The following ECPAS variants were observed in gnomAD, a reference collection of about 807,000 sequenced individuals.
The protein encoded by ECPAS is Ecm29 proteasome adaptor and scaffold, also known as proteasome adapter and scaffold protein ECM29.
ECPAS carries 70 observed loss-of-function variants against 255.1 expected under a neutral mutation model. The ratio of observed to expected loss-of-function variants is 0.27; its 90% CI spans 0.23 to 0.33. The LOEUF (loss-of-function observed/expected upper bound fraction) is 0.33. ECPAS is among the 10% of genes least tolerant of loss of function. ECPAS has a pLI of 1.00. For synonymous variants in ECPAS, 784 were observed against 775.0 expected (o/e 1.01, Z -0.19); for missense variants, 1,817 against 2,206.4 (o/e 0.82, Z 3.54).
chr9:111,433,172 TCAAGTAAGTTTTTAGAAATGTAGTC>T (rs1239069741), intron 8 of ECPAS, 36 bp downstream of exon 8: 11 of 1,560,712 alleles, frequency 7.0e-6, no homozygotes, highest in Non-Finnish European at 9.6e-6. Flanking sequence ...AAAAAATGTG[TCAAGTAAGTTTTTAGAAATGTAGTC>T]CTTTCAATCT....
chr9:111,440,406 C>T lies in ECPAS; in HGVS notation c.505G>A (p.Asp169Asn). ...ATCAGAAGGACATCTAGCATGAAGT[C>T]CAAAAGCAGCTGCACAGTCTTTGGT... ...EKPKTVQLLL[D>N]FMLDVLLMPY... The change falls in exon 6 of 50, where the codon GAC (aspartate) becomes AAC (asparagine). Residue 169 changes from aspartate (D) to asparagine (N), a missense_variant. Coordinates refer to ENST00000684092, the MANE Select transcript of ECPAS (RefSeq NM_001364929.1). The T allele has an allele frequency of 1.2e-6, 2 of 1,613,046 alleles. No homozygotes were observed. The highest frequency in any genetic ancestry group is 1.7e-6 in the Non-Finnish European group (2 of 1,179,324).
rs1428979395 is a variant in ECPAS at position 111,408,677 on chromosome 9, A to G, written c.2551-5T>C. 1 of 1,538,232 alleles carries G rather than the reference A, an allele frequency of 6.5e-7. No individual in the cohort carries two copies. The highest frequency in any genetic ancestry group is 2.2e-5 in the Admixed American group (1 of 46,144). On this transcript the variant is annotated splice_polypyrimidine_tract_variant and splice_region_variant and intron_variant, in intron 23 of 49. Transcript: ENST00000684092. ...TTGGATTGCTCGTTCTTTCATCTGGAAGAACACCAAATTTTTTTCTTTTAA... is the reference window on the plus strand; with the variant it reads ...TTGGATTGCTCGTTCTTTCATCTGGGAGAACACCAAATTTTTTTCTTTTAA...
intron 19 of ECPAS, among the ~76,000 whole-genome samples, 157 bp downstream of exon 19, chr9:111,414,272 G>A (rs1465008394): frequency 2.6e-5 from 4 of 152,188 alleles, no homozygotes; most frequent in Non-Finnish European, 4.4e-5. Flanking sequence ...AAGAAGTAGT[G>A]TATCCAGAAT....
Position 111,389,543 on chromosome 9 carries a change from C to A in ECPAS, c.3447+13G>T. 6.2e-7 allele frequency: 1 copy of A among 1,609,280 alleles called. No individual in the cohort carries two copies. The highest frequency in any genetic ancestry group is 1.1e-5 in the South Asian group (1 of 90,216). ...ACAGTGTTTTCCTAACACAGGGGTT[C>A]ACAGACACTTACCATGGATTTGTCA... On this transcript the variant is annotated intron_variant, in intron 31 of 49. Coordinates refer to ENST00000684092, the MANE Select transcript of ECPAS (RefSeq NM_001364929.1).
At chr9:111,415,126 C>A (rs1006691550) in intron 18 of ECPAS, among the ~76,000 whole-genome samples, 11 of 152,002 alleles carry the variant, frequency 7.2e-5, no homozygotes, top group African/African-American at 2.7e-4. Context: ...ATACAACAAA[C>A]CCCCATGACA....
At chr9:111,467,185 CA>C (rs1231508749) in intron 2 of ECPAS, among the ~76,000 whole-genome samples, 1 of 149,316 alleles carries the variant, frequency 6.7e-6, no homozygotes, top group Admixed American at 6.7e-5. Flanking sequence ...ATGGAAAAAG[CA>C]TGTTAAAAAA....
chr9:111,465,485 A>G (rs2098278426), intron 2 of ECPAS, among the ~76,000 whole-genome samples: 2 of 152,146 alleles, frequency 1.3e-5, no homozygotes, highest in Non-Finnish European at 2.9e-5. Context: ...GGTTGCAGTG[A>G]GCCGAGATCG....
chr9:111,374,693 AG>A (rs1261425543), intron 38 of ECPAS, among the ~76,000 whole-genome samples: 3 of 152,204 alleles, frequency 2.0e-5, no homozygotes, highest in African/African-American at 7.2e-5. Flanking sequence ...TGTTGTTAAA[AG>A]GGTGGTAGGG....
chr9:111,388,717 G>C (rs1406296070), intron 31 of ECPAS, among the ~76,000 whole-genome samples: 1 of 152,172 alleles, frequency 6.6e-6, no homozygotes, highest in African/African-American at 2.4e-5. Context: ...ATTAGGGAAA[G>C]AAGAGAGTAG....
At position 111,425,646 on chromosome 9, in the gene ECPAS, T is replaced by C. The variant is rs2098220470; in HGVS notation, c.1136+97A>G. 1.1e-5 allele frequency: 11 copies of C among 989,044 alleles called. 1 individual carries two copies. Among genetic ancestry groups the C allele is most frequent in the South Asian group, 6.9e-5 (4 of 57,760 alleles). The allele number at this position is 989,044 out of a possible 1,614,324, so 61.3% of individuals were successfully genotyped here. A position where few individuals can be genotyped will look rare whatever the true frequency, so the allele number is the denominator to read the frequency against. On this transcript the variant is annotated intron_variant, in intron 11 of 49. Coordinates refer to ENST00000684092, the MANE Select transcript of ECPAS (RefSeq NM_001364929.1). ...AAATTTTTAAAGATGAGCAAACATG[T>C]TTTCTTTCTAGGTAAGATGAGTAAA...
At chr9:111,466,993 C>T (rs928917858) in intron 2 of ECPAS, among the ~76,000 whole-genome samples, 1 of 152,114 alleles carries the variant, frequency 6.6e-6, no homozygotes, top group African/African-American at 2.4e-5. Flanking sequence ...AGGAACACTC[C>T]CTCCTCCTAC....
At chr9:111,466,831 T>C (rs1292080696) in intron 2 of ECPAS, among the ~76,000 whole-genome samples, 1 of 152,112 alleles carries the variant, frequency 6.6e-6, no homozygotes, top group Admixed American at 6.6e-5. Context: ...GATGAGGTCA[T>C]CCTATTTTGC....
At chr9:111,373,521 G>A (rs762786172) in intron 39 of ECPAS, 115 bp from the exon 40 acceptor site, 6 of 769,396 alleles carry the variant, frequency 7.8e-6, no homozygotes, top group Non-Finnish European at 1.3e-5. Context: ...CTCCACAGTA[G>A]TTTAGATTTC....
At chr9:111,428,392 C>A (rs945740839) in intron 9 of ECPAS, among the ~76,000 whole-genome samples, 2 of 151,988 alleles carry the variant, frequency 1.3e-5, no homozygotes, top group Admixed American at 1.3e-4. Context: ...TGTTTACTCA[C>A]AATTATTAAT....
intron 7 of ECPAS, 118 bp downstream of exon 7, chr9:111,436,822 C>G: frequency 1.1e-6 from 1 of 899,734 alleles, no homozygotes; most frequent in Non-Finnish European, 1.6e-6. Context: ...CTGCTTCTTT[C>G]AAACATATTT....
At chr9:111,417,814 C>A in intron 17 of ECPAS, 69 bp downstream of exon 17, 1 of 1,377,016 alleles carries the variant, frequency 7.3e-7, no homozygotes. Context: ...ACATTTTTCA[C>A]TTTAAAGATG....
intron 18 of ECPAS, 142 bp from the exon 19 acceptor site, chr9:111,414,793 A>G: frequency 1.5e-6 from 1 of 688,744 alleles, no homozygotes. Flanking sequence ...AAGGCAGAAA[A>G]TATGCCATAA....
chr9:111,474,603 T>C (rs968007781), intron 1 of ECPAS, among the ~76,000 whole-genome samples: 1 of 152,222 alleles, frequency 6.6e-6, no homozygotes, highest in African/African-American at 2.4e-5. Flanking sequence ...TTAAAAGCTC[T>C]GATGGTTCTC....
chr9:111,427,192 G>C (rs560795761), intron 10 of ECPAS, among the ~76,000 whole-genome samples: 1 of 148,598 alleles, frequency 6.7e-6, no homozygotes, highest in East Asian at 2.0e-4. Flanking sequence ...AAAGAAAACA[G>C]ACTGAATGTG....
Sources: gnomAD v4.1 joint callset for allele counts (sites outside exome capture counted in the v4.1 genomes callset) on GRCh38, gnomAD v4.1.1 for gene constraint, MANE v1.5 for transcripts, NCBI Gene and HGNC (gene_info 2026-07-23, HGNC 2026-07-21) for gene names.